The following DCP2 variants were observed in gnomAD, a reference collection of about 807,000 sequenced individuals.
DCP2 encodes m7GpppN-mRNA hydrolase.
In DCP2, 30 loss-of-function variants were observed where a neutral mutation model predicts 56.1. That is an observed-to-expected ratio of 0.53 (90% CI 0.40 to 0.73). The LOEUF (loss-of-function observed/expected upper bound fraction) is 0.73, where lower values mean the gene tolerates loss of function less well. Ranked by LOEUF, DCP2 falls within the 30% of genes least tolerant of loss-of-function variation. The pLI is 0.00. For synonymous variants in DCP2, 197 were observed against 163.3 expected, an observed-to-expected ratio of 1.21 and a Z score of -1.57; for missense variants, 533 against 502.7, an observed-to-expected ratio of 1.06 and a Z score of -0.58.
chr5:113,003,535 C>G (rs1042849471), intron 7 of DCP2, among the ~76,000 whole-genome samples: 2 of 152,006 alleles, frequency 1.3e-5, no homozygotes, highest in Non-Finnish European at 2.9e-5. Flanking sequence ...GTGATCCTGC[C>G]ACTGCACTCC....
Position 112,992,754 on chromosome 5 carries a change from A to G in DCP2, c.416A>G (p.Asp139Gly). The change falls in exon 4 of 11, where the codon GAT becomes GGT. Residue 139 changes from aspartate to glycine, a missense_variant. This residue lies in a region of DCP2 where 392 missense variants were observed against 346.6 expected (regional missense o/e 1.13). Transcript: ENST00000389063. ...GKVNKEEAPH[D>G]CAAREVFEET... is the part of the protein sequence containing the mutation. ...GTAAATAAAGAAGAAGCTCCTCATG[A>G]TTGTGCTGCTAGAGAGGTAAGTTAT... 1 of 1,583,828 alleles carries G rather than the reference A, an allele frequency of 6.3e-7. No homozygotes were observed. Among genetic ancestry groups the G allele is most frequent in the Non-Finnish European group, 8.5e-7 (1 of 1,172,394 alleles).
chr5:112,990,470 T>G (rs561954469), intron 2 of DCP2, among the ~76,000 whole-genome samples: 1 of 152,334 alleles, frequency 6.6e-6, no homozygotes, highest in African/African-American at 2.4e-5. Context: ...TTTTAATACC[T>G]TTTAGAATCT....
Position 113,018,630 on chromosome 5 carries a change from T to C in DCP2, c.*5146T>C, listed in dbSNP as rs769358240. On this transcript the variant is annotated 3_prime_UTR_variant, in exon 11 of 11. Coordinates refer to ENST00000389063, the MANE Select transcript of DCP2 (RefSeq NM_152624.6). ...CCCTGAATATGTGTTTTCTGCTTTTTGGTGGAAGGTTTCCTGCAGGTGGTT... is the reference window on the plus strand; with the variant it reads ...CCCTGAATATGTGTTTTCTGCTTTTCGGTGGAAGGTTTCCTGCAGGTGGTT... 10 of 152,266 alleles carry C rather than the reference T, an allele frequency of 6.6e-5. No homozygotes were observed. The highest frequency in any genetic ancestry group is 6.5e-4 in the Admixed American group (10 of 15,284). 9.4% of individuals were successfully genotyped at this position (152,266 alleles called of 1,614,324 possible).
intron 8 of DCP2, among the ~76,000 whole-genome samples, chr5:113,006,132 A>T (rs1456456786): frequency 2.0e-5 from 3 of 151,964 alleles, no homozygotes; most frequent in Non-Finnish European, 2.9e-5. Flanking sequence ...AAAAAAAAAA[A>T]AAAAAAATTT....
intron 1 of DCP2, 113 bp downstream of exon 1, chr5:112,977,099 C>A: frequency 1.3e-6 from 1 of 744,624 alleles, no homozygotes; most frequent in African/African-American, 1.8e-5. Flanking sequence ...GCTTTCCGCT[C>A]CCGCCGCTGC....
Position 113,013,562 on chromosome 5 carries a change from T to G in DCP2, c.*78T>G, listed in dbSNP as rs1749767600. The G allele has an allele frequency of 6.6e-7, 1 of 1,511,020 alleles. No individual in the cohort carries two copies. Among genetic ancestry groups the G allele is most frequent in the Admixed American group, 2.0e-5 (1 of 50,464 alleles). The allele number at this position is 1,511,020 out of a possible 1,614,324, so 93.6% of individuals were successfully genotyped here. ...GTGGGTGTCTCCTCAAGCCTTACCT[T>G]TCTCAGGTGTTTTAAAGAAATGCAG... On this transcript the variant is annotated 3_prime_UTR_variant, in exon 11 of 11. Transcript: ENST00000389063.
chr5:112,986,460 G>A lies in DCP2; in HGVS notation c.205+474G>A, dbSNP rs1580798663. ...AAGCAATCCTCCTCCCTAGCCTCTC[G>A]AGTGGCTGTGACTACAGGCATGCGC... On this transcript the variant is annotated intron_variant, in intron 2 of 10. Coordinates refer to ENST00000389063, the MANE Select transcript of DCP2 (RefSeq NM_152624.6). 1.3e-5 allele frequency among the ~76,000 whole-genome samples: 2 copies of A among 151,286 alleles called. 1 individual carries two copies. The highest frequency in any genetic ancestry group is 4.2e-4 in the South Asian group (2 of 4,802).
At position 113,015,880 on chromosome 5, in the gene DCP2, A is replaced by C. The variant is rs1198367199; in HGVS notation, c.*2396A>C. On this transcript the variant is annotated 3_prime_UTR_variant, in exon 11 of 11. Coordinates refer to ENST00000389063, the MANE Select transcript of DCP2 (RefSeq NM_152624.6). ...GAGAAATTTTAGTATGGTTTGAGGA[A>C]ATCAAGTGATAAAGGAGTATGCTGA... 1 of 152,668 alleles carries C rather than the reference A, an allele frequency of 6.6e-6. No individual in the cohort carries two copies. Among genetic ancestry groups the C allele is most frequent in the African/African-American group, 2.4e-5 (1 of 41,476 alleles). The allele number at this position is 152,668 out of a possible 1,614,324, so 9.5% of individuals were successfully genotyped here. A position where few individuals can be genotyped will look rare whatever the true frequency, so the allele number is the denominator to read the frequency against.
chr5:113,013,368 C>G lies in DCP2; in HGVS notation c.1147C>G (p.His383Asp). ...PSSSEDQLLE[H>D]AEGQPVACNG... The stretch of plus-strand genomic sequence containing the variant: ...CTCCAGTGAAGACCAGTTGCTAGAA[C>G]ATGCTGAGGGACAGCCCGTGGCATG... The change falls in exon 11 of 11, where the codon CAT (histidine) becomes GAT (aspartate). Residue 383 changes from histidine (H) to aspartate (D), a missense_variant. His to Asp is a moderately conservative substitution (Grantham distance 81, BLOSUM62 -1). Transcript: ENST00000389063. 1 of 1,614,172 alleles carries G rather than the reference C, an allele frequency of 6.2e-7. No individual in the cohort carries two copies. The highest frequency in any genetic ancestry group is 1.7e-4 in the Middle Eastern group (1 of 6,060).
At position 113,020,566 on chromosome 5, in the gene DCP2, C is replaced by T. The variant is rs1334608743; in HGVS notation, c.*7082C>T. Reference sequence around the variant, plus strand: ...GATTTATGTTGTTGTAGTTGAACAGCAACTGTTTTTTTCCCTCAGTGTTAA... The same window carrying T: ...GATTTATGTTGTTGTAGTTGAACAGTAACTGTTTTTTTCCCTCAGTGTTAA... On this transcript the variant is annotated 3_prime_UTR_variant, in exon 11 of 11. Transcript: ENST00000389063. 7 of 152,106 alleles carry T rather than the reference C, an allele frequency of 4.6e-5. No homozygotes were observed. The highest frequency in any genetic ancestry group is 8.8e-5 in the Non-Finnish European group (6 of 67,998). The allele number at this position is 152,106 out of a possible 1,614,324, so 9.4% of individuals were successfully genotyped here. A position where few individuals can be genotyped will look rare whatever the true frequency, so the allele number is the denominator to read the frequency against.
At chr5:112,998,662 C>CGT (rs1748976907) in intron 4 of DCP2, among the ~76,000 whole-genome samples, 1 of 152,156 alleles carries the variant, frequency 6.6e-6, no homozygotes, top group Non-Finnish European at 1.5e-5. Flanking sequence ...GAGATAGTGT[C>CGT]GTATGTAGAG....
chr5:113,008,109 C>A, intron 9 of DCP2, 67 bp downstream of exon 9: 2 of 1,282,600 alleles, frequency 1.6e-6, no homozygotes, highest in Non-Finnish European at 2.2e-6. Context: ...AGGGCATTGC[C>A]AAAGCACAGG....
At chr5:112,979,596 C>T (rs1747901944) in intron 1 of DCP2, among the ~76,000 whole-genome samples, 1 of 152,092 alleles carries the variant, frequency 6.6e-6, no homozygotes, top group Admixed American at 6.5e-5. Flanking sequence ...TTTTGTGTTA[C>T]TTTGTTTTTT....
In DCP2 at chr5:113,003,804, C is replaced by T. The variant is rs1253310989; in HGVS notation, c.807-138C>T. On this transcript the variant is annotated intron_variant, in intron 7 of 10. Transcript: ENST00000389063. Reference sequence around the variant, plus strand: ...AGCAGTGCAGATTAAAATCTCTGCTCTCATAGAACTTACATTCCAGTGGGG... The same window carrying T: ...AGCAGTGCAGATTAAAATCTCTGCTTTCATAGAACTTACATTCCAGTGGGG... The T allele has an allele frequency of 3.1e-6, 3 of 960,520 alleles. No individual in the cohort carries two copies. The East Asian group carries it at 7.9e-5, about 25-fold the overall frequency. The allele number at this position is 960,520 out of a possible 1,614,324, so 59.5% of individuals were successfully genotyped here.
chr5:112,977,393 T>C (rs1747766667), intron 1 of DCP2, among the ~76,000 whole-genome samples: 2 of 152,282 alleles, frequency 1.3e-5, no homozygotes, highest in Non-Finnish European at 2.9e-5. Context: ...TCCCCGATTC[T>C]GAAGGAAGAC....
intron 4 of DCP2, among the ~76,000 whole-genome samples, chr5:112,998,723 A>G (rs746381525): frequency 7.5e-4 from 114 of 152,172 alleles, no homozygotes; most frequent in African/African-American, 2.5e-3. Flanking sequence ...CATAGTTGCT[A>G]TATTACTTTC....
At position 113,008,040 on chromosome 5, in the gene DCP2, A is replaced by G. The variant is rs1183484238; in HGVS notation, c.1045A>G (p.Met349Val). 1 of 1,613,302 alleles carries G rather than the reference A, an allele frequency of 6.2e-7. No homozygotes were observed. Among genetic ancestry groups the G allele is most frequent in the Non-Finnish European group, 8.5e-7 (1 of 1,179,324 alleles). The change falls in exon 9 of 11, where the codon ATG (methionine) becomes GTG (valine). Residue 349 changes from methionine (M) to valine (V), a missense_variant and splice_region_variant. Physicochemically the swap from Met to Val is conservative, Grantham distance 21 (BLOSUM62 1). Transcript: ENST00000389063. ...LQPAKQQNSL[M>V]KCEKKLHPRK... ...GCCAGCAAAGCAGCAGAATTCTTTG[A>G]TGGTAAGAGTTATAGCTGTCACACT... is the stretch of plus-strand genomic sequence containing the variant.
intron 1 of DCP2, among the ~76,000 whole-genome samples, 195 bp downstream of exon 1, chr5:112,977,181 A>G (rs1343177809): frequency 6.6e-6 from 1 of 151,852 alleles, no homozygotes; most frequent in African/African-American, 2.4e-5. Context: ...CTGTTTCTCA[A>G]GGCCCTCCGT....
At chr5:112,979,309 G>T (rs1052682520) in intron 1 of DCP2, among the ~76,000 whole-genome samples, 2 of 152,070 alleles carry the variant, frequency 1.3e-5, no homozygotes, top group Non-Finnish European at 2.9e-5. Flanking sequence ...TAAAATAAAT[G>T]CCATTTTCAA....
Sources: allele counts gnomAD v4.1 joint callset (sites outside exome capture counted in the v4.1 genomes callset), GRCh38; gene constraint gnomAD v4.1.1; regional missense constraint gnomAD v4.1.1; transcripts MANE v1.5; gene names NCBI Gene and HGNC (gene_info 2026-07-23, HGNC 2026-07-21).